DARS1: variants seen among roughly 807,000 people sequenced by gnomAD.
The protein encoded by DARS1 is aspartyl-tRNA synthetase 1.
Under a neutral mutation model 68.8 loss-of-function variants are expected in DARS1, and 51 were observed. That is an observed-to-expected ratio of 0.74 (90% confidence interval 0.59 to 0.94). The LOEUF (loss-of-function observed/expected upper bound fraction) is 0.94, where lower values mean the gene tolerates loss of function less well. Ranked by LOEUF, DARS1 falls within the 40% of genes least tolerant of loss-of-function variation. The pLI is 0.00. For missense variants in DARS1, 607 were observed against 597.3 expected, an observed-to-expected ratio of 1.02 and a Z score of -0.17; for synonymous variants, 203 against 190.4, an observed-to-expected ratio of 1.07 and a Z score of -0.55.
In DARS1 at chr2:135,932,842, C is replaced by T. The variant is rs575065808; in HGVS notation, c.505G>A (p.Glu169Lys). ...TCCTGGTTAACAGTAGCTCTTCCTTCCTAAAAAAAAAAAAAAAGAAAAGAA... is the reference window on the plus strand; with the variant it reads ...TCCTGGTTAACAGTAGCTCTTCCTTTCTAAAAAAAAAAAAAAAGAAAAGAA... Reference protein sequence around the residue: ...AVRPEAEGEEEGRATVNQDTR... With the variant: ...AVRPEAEGEEKGRATVNQDTR... Residue 169 changes from glutamate (E) to lysine (K), a missense_variant and splice_region_variant, in exon 7 of 16, where the codon GAA becomes AAA. Transcript: ENST00000264161. 2.6e-6 allele frequency: 3 copies of T among 1,173,778 alleles called. No individual in the cohort carries two copies. Among genetic ancestry groups the T allele is most frequent in the Admixed American group, 4.5e-5 (2 of 44,794 alleles). 72.7% of individuals were successfully genotyped at this position (1,173,778 alleles called of 1,614,324 possible).
At chr2:135,980,892 T>C (rs907894955) in intron 2 of DARS1, among the ~76,000 whole-genome samples, 4 of 152,148 alleles carry the variant, frequency 2.6e-5, no homozygotes, top group Admixed American at 2.6e-4. Context: ...TTAACTAGCA[T>C]AGGGGTTCTC....
At chr2:135,945,415 A>G (rs1279866939) in intron 4 of DARS1, among the ~76,000 whole-genome samples, 1 of 152,224 alleles carries the variant, frequency 6.6e-6, no homozygotes, top group Non-Finnish European at 1.5e-5. Context: ...GGCATGAGCC[A>G]TCGCGCCCGG....
intron 3 of DARS1, among the ~76,000 whole-genome samples, chr2:135,975,830 T>C (rs1682485174): frequency 6.7e-6 from 1 of 148,210 alleles, no homozygotes. Context: ...GTACCTGTAA[T>C]CCCAGCTACT....
chr2:135,965,430 GA>G (rs1305520540), intron 3 of DARS1, among the ~76,000 whole-genome samples: 24 of 151,852 alleles, frequency 1.6e-4, no homozygotes, highest in African/African-American at 5.8e-4. Context: ...GAAGGAACAA[GA>G]AAAAAACCAT....
intron 3 of DARS1, among the ~76,000 whole-genome samples, chr2:135,970,201 C>T (rs574185085): frequency 6.2e-5 from 9 of 144,146 alleles, no homozygotes; most frequent in African/African-American, 2.1e-4. Context: ...GCAATCATAC[C>T]TGTGAATAAC....
intron 2 of DARS1, among the ~76,000 whole-genome samples, chr2:135,980,836 TGGA>T (rs1230953277): frequency 6.6e-6 from 1 of 152,316 alleles, no homozygotes; most frequent in Middle Eastern, 3.4e-3. Flanking sequence ...ACTAGCACTT[TGGA>T]GAAGAAAAAG....
intron 5 of DARS1, among the ~76,000 whole-genome samples, chr2:135,937,873 T>C (rs1422601174): frequency 6.6e-6 from 1 of 152,380 alleles, no homozygotes; most frequent in African/African-American, 2.4e-5. Context: ...GTTAGTCTGA[T>C]GGGCTTCCCT....
At chr2:135,938,552 T>C (rs1681522113) in intron 5 of DARS1, among the ~76,000 whole-genome samples, 1 of 152,166 alleles carries the variant, frequency 6.6e-6, no homozygotes, top group African/African-American at 2.4e-5. Context: ...CTGCGTTCCT[T>C]TGGAGGATAA....
intron 3 of DARS1, among the ~76,000 whole-genome samples, chr2:135,969,185 T>C (rs961379228): frequency 7.7e-6 from 1 of 129,908 alleles, no homozygotes; most frequent in Admixed American, 7.5e-5. Context: ...TGTAGATCTG[T>C]AACTAGTTAT....
intron 2 of DARS1, among the ~76,000 whole-genome samples, chr2:135,982,134 G>C (rs2104851810): frequency 6.6e-6 from 1 of 152,306 alleles, no homozygotes; most frequent in South Asian, 2.1e-4. Context: ...ACCAAAGAGT[G>C]AGAGACGTAA....
intron 3 of DARS1, 76 bp from the exon 4 acceptor site, chr2:135,961,574 T>C (rs1056126478): frequency 5.9e-6 from 5 of 853,680 alleles, no homozygotes; most frequent in Non-Finnish European, 1.0e-5. Flanking sequence ...AAATGCTCTC[T>C]ACTTTAAAAG....
At position 135,961,483 on chromosome 2, in the gene DARS1, A is replaced by G; in HGVS notation, c.233T>C (p.Leu78Ser). 6.8e-7 allele frequency: 1 copy of G among 1,468,760 alleles called. No homozygotes were observed. Among genetic ancestry groups the G allele is most frequent in the Non-Finnish European group, 9.6e-7 (1 of 1,047,042 alleles). The allele number at this position is 1,468,760 out of a possible 1,614,324, so 91.0% of individuals were successfully genotyped here. Residue 78 changes from leucine (L) to serine (S), a missense_variant, in exon 4 of 16, where the codon TTA becomes TCA. Transcript: ENST00000264161. ...TSRAKGKQCFLVLRQQQFNVQ... is the reference protein window; with the variant it reads ...TSRAKGKQCFSVLRQQQFNVQ... ...ATTAAACTGCTGCTGACGTAGGACTAAGAAGCACTGTTTCCCTGAAAAAGA... is the reference window on the plus strand; with the variant it reads ...ATTAAACTGCTGCTGACGTAGGACTGAGAAGCACTGTTTCCCTGAAAAAGA...
At chr2:135,937,168 A>C (rs746983588) in intron 5 of DARS1, among the ~76,000 whole-genome samples, 2 of 152,112 alleles carry the variant, frequency 1.3e-5, no homozygotes, top group Non-Finnish European at 2.9e-5. Context: ...GGCTCACTGC[A>C]ACCTCTGTCT....
intron 7 of DARS1, among the ~76,000 whole-genome samples, chr2:135,929,534 T>TTA (rs1248197653): frequency 6.6e-6 from 1 of 152,208 alleles, no homozygotes; most frequent in Non-Finnish European, 1.5e-5. Flanking sequence ...GTTCATCTGT[T>TTA]TAACACCCAG....
intron 4 of DARS1, among the ~76,000 whole-genome samples, chr2:135,957,603 C>T (rs776527110): frequency 2.8e-4 from 42 of 152,238 alleles, no homozygotes; most frequent in Non-Finnish European, 4.0e-4. Flanking sequence ...TTCAAGTGAA[C>T]GGCCCATTTT....
At chr2:135,952,257 A>G (rs1269034017) in intron 4 of DARS1, among the ~76,000 whole-genome samples, 1 of 152,122 alleles carries the variant, frequency 6.6e-6, no homozygotes, top group East Asian at 1.9e-4. Flanking sequence ...CTTTTCAAAA[A>G]GTATGCCATT....
chr2:135,911,097 T>G (rs539747288), intron 15 of DARS1, 42 bp downstream of exon 15: 1 of 856,296 alleles, frequency 1.2e-6, no homozygotes, highest in Non-Finnish European at 2.0e-6. Context: ...GTATTATACT[T>G]AGAACTTATG....
intron 5 of DARS1, among the ~76,000 whole-genome samples, chr2:135,939,196 C>A (rs1220859637): frequency 6.6e-6 from 1 of 152,200 alleles, no homozygotes; most frequent in African/African-American, 2.4e-5. Context: ...CCCAAATCAA[C>A]AGAATATACA....
chr2:135,941,293 G>A (rs1453530493), intron 5 of DARS1, among the ~76,000 whole-genome samples: 1 of 152,118 alleles, frequency 6.6e-6, no homozygotes, highest in African/African-American at 2.4e-5. Flanking sequence ...AAACAGCATG[G>A]TACTGGTACC....
Sources: allele counts gnomAD v4.1 joint callset (sites outside exome capture counted in the v4.1 genomes callset), GRCh38; gene constraint gnomAD v4.1.1; transcripts MANE v1.5; gene names NCBI Gene and HGNC (gene_info 2026-07-23, HGNC 2026-07-21).